Variants in PDSS2 observed in about 807,000 individuals in gnomAD.
PDSS2 encodes all trans-polyprenyl-diphosphate synthase PDSS2.
A neutral mutation model predicts 44.5 loss-of-function variants in PDSS2; 31 were observed. That is an observed-to-expected ratio of 0.70 (90% CI 0.52 to 0.94). The LOEUF is 0.94. PDSS2 is among the 40% of genes least tolerant of loss of function. The pLI, the probability that PDSS2 is intolerant of heterozygous loss-of-function variation, is 0.00. For synonymous variants in PDSS2, 157 were observed against 180.3 expected (o/e 0.87, Z 1.03); for missense variants, 452 against 482.2 (o/e 0.94, Z 0.59).
intron 7 of PDSS2, among the ~76,000 whole-genome samples, chr6:107,180,943 C>T (rs999714111): frequency 6.6e-6 from 1 of 152,172 alleles, no homozygotes; most frequent in Non-Finnish European, 1.5e-5. Flanking sequence ...CTCCCGGATT[C>T]AAGCGATTCT....
intron 1 of PDSS2, among the ~76,000 whole-genome samples, chr6:107,417,731 G>A (rs1405635893): frequency 6.6e-6 from 1 of 151,728 alleles, no homozygotes; most frequent in African/African-American, 2.4e-5. Flanking sequence ...TTGCACTCCA[G>A]CCTGGGCAAA....
At chr6:107,386,441 C>G (rs1779615201) in intron 1 of PDSS2, among the ~76,000 whole-genome samples, 1 of 150,938 alleles carries the variant, frequency 6.6e-6, no homozygotes, top group African/African-American at 2.4e-5. Context: ...CTGAACATGT[C>G]ACAGAACAAT....
At chr6:107,305,564 C>G (rs1374882003) in intron 2 of PDSS2, among the ~76,000 whole-genome samples, 1 of 152,136 alleles carries the variant, frequency 6.6e-6, no homozygotes, top group African/African-American at 2.4e-5. Flanking sequence ...GGATTAACAA[C>G]AGTTATTTCA....
chr6:107,220,490 G>GTA (rs1266562966), intron 4 of PDSS2, among the ~76,000 whole-genome samples: 4 of 151,690 alleles, frequency 2.6e-5, no homozygotes, highest in Non-Finnish European at 5.9e-5. Flanking sequence ...GGGATAGAAT[G>GTA]TATATATATC....
At chr6:107,365,287 G>A (rs927621912) in intron 1 of PDSS2, among the ~76,000 whole-genome samples, 2 of 152,004 alleles carry the variant, frequency 1.3e-5, no homozygotes, top group Non-Finnish European at 2.9e-5. Flanking sequence ...GAATTAAAAT[G>A]GGTATTATTC....
At chr6:107,177,944 T>C (rs1262921586) in intron 7 of PDSS2, among the ~76,000 whole-genome samples, 1 of 152,234 alleles carries the variant, frequency 6.6e-6, no homozygotes, top group Non-Finnish European at 1.5e-5. Context: ...ATTTGAGGAA[T>C]ATATAAACTA....
In PDSS2 at chr6:107,230,446, C is replaced by T. The variant is rs576096122; in HGVS notation, c.702+15102G>A. Among the ~76,000 whole-genome samples, 12 of 152,242 alleles carry T rather than the reference C, an allele frequency of 7.9e-5. No homozygotes were observed. The South Asian group carries it at 2.5e-3, about 32-fold the overall frequency. On this transcript the variant is annotated intron_variant, in intron 4 of 7. Coordinates refer to ENST00000369037, the MANE Select transcript of PDSS2 (RefSeq NM_020381.4). ...ACGCTTGGCCTAGACCACCAGTTCCCCACAAATCTCTTAATCCATCTGACT... is the reference window on the plus strand; with the variant it reads ...ACGCTTGGCCTAGACCACCAGTTCCTCACAAATCTCTTAATCCATCTGACT...
intron 3 of PDSS2, among the ~76,000 whole-genome samples, chr6:107,273,348 T>C (rs185986318): frequency 1.3e-5 from 2 of 151,616 alleles, no homozygotes; most frequent in Non-Finnish European, 2.9e-5. Context: ...ACACTAAAAA[T>C]GTTTAACCCT....
At chr6:107,331,886 A>G (rs1378669719) in intron 2 of PDSS2, among the ~76,000 whole-genome samples, 4 of 152,062 alleles carry the variant, frequency 2.6e-5, no homozygotes, top group Non-Finnish European at 2.9e-5. Flanking sequence ...ATCCAAATAT[A>G]CAAGCAGATG....
intron 4 of PDSS2, among the ~76,000 whole-genome samples, chr6:107,243,168 G>C (rs1370984206): frequency 1.3e-5 from 2 of 152,088 alleles, no homozygotes; most frequent in African/African-American, 2.4e-5. Flanking sequence ...GAAAAACCTG[G>C]GTTCATTATG....
chr6:107,268,778 T>C (rs1456569249), intron 3 of PDSS2, among the ~76,000 whole-genome samples: 1 of 152,168 alleles, frequency 6.6e-6, no homozygotes, highest in Admixed American at 6.6e-5. Context: ...GAAAATTCTC[T>C]TTCTACAGGT....
At chr6:107,368,625 G>A (rs536987470) in intron 1 of PDSS2, among the ~76,000 whole-genome samples, 1 of 151,950 alleles carries the variant, frequency 6.6e-6, no homozygotes, top group Non-Finnish European at 1.5e-5. Context: ...AGGGCAAGGC[G>A]GGAGGATTGT....
chr6:107,263,018 C>G lies in PDSS2; in HGVS notation c.630+11011G>C, dbSNP rs188080943. On this transcript the variant is annotated intron_variant, in intron 3 of 7. Transcript: ENST00000369037. ...ATGCATTAAAAAACCAGTGCCTACC[C>G]TCATCCTCTTATTAAACCAAATTTC... Among the ~76,000 whole-genome samples, 420 of 152,220 alleles carry G rather than the reference C, an allele frequency of 2.8e-3. 2 individuals carry two copies. Among genetic ancestry groups the G allele is most frequent in the African/African-American group, 9.7e-3 (402 of 41,546 alleles).
intron 2 of PDSS2, among the ~76,000 whole-genome samples, chr6:107,310,033 C>A (rs1334266272): frequency 6.6e-6 from 1 of 152,020 alleles, no homozygotes; most frequent in East Asian, 1.9e-4. Flanking sequence ...CACCTGTAAT[C>A]CCAGCACTTC....
At chr6:107,225,145 A>ATATATATATATT (rs1386566160) in intron 4 of PDSS2, among the ~76,000 whole-genome samples, 841 of 49,218 alleles carry the variant, frequency 0.017, 77 homozygotes, top group South Asian at 0.025. Flanking sequence ...TTTTATATAT[A>ATATATATATATT]TATATATATA....
chr6:107,194,280 T>A (rs1018222174), intron 6 of PDSS2, among the ~76,000 whole-genome samples: 6 of 152,240 alleles, frequency 3.9e-5, no homozygotes, highest in Non-Finnish European at 8.8e-5. Flanking sequence ...AAACCAGAAT[T>A]AATCAAGATT....
chr6:107,322,566 C>T (rs1457230501), intron 2 of PDSS2, among the ~76,000 whole-genome samples: 2 of 151,634 alleles, frequency 1.3e-5, no homozygotes, highest in Non-Finnish European at 2.9e-5. Flanking sequence ...AACTTGAGGC[C>T]GGGTGTGGTG....
intron 1 of PDSS2, among the ~76,000 whole-genome samples, chr6:107,336,844 G>A (rs1777912504): frequency 8.0e-6 from 1 of 124,650 alleles, no homozygotes; most frequent in Non-Finnish European, 1.7e-5. Flanking sequence ...GTGTGTGTGT[G>A]TGTGTGTGTG....
Position 107,397,101 on chromosome 6 carries a change from T to C in PDSS2, c.296+61889A>G, listed in dbSNP as rs114417461. ...TTTTCAAAAATCTCAAGGGTGAAAC[T>C]GTCAGTTGTCTGTGTAGGCATCTTC... On this transcript the variant is annotated intron_variant, in intron 1 of 7. Coordinates refer to ENST00000369037, the MANE Select transcript of PDSS2 (RefSeq NM_020381.4). Among the ~76,000 whole-genome samples, 211 of 152,240 alleles carry C rather than the reference T, an allele frequency of 1.4e-3. 3 individuals are homozygous for C. Among genetic ancestry groups the C allele is most frequent in the African/African-American group, 4.8e-3 (199 of 41,544 alleles).
Sources: allele counts gnomAD v4.1 joint callset (sites outside exome capture counted in the v4.1 genomes callset), GRCh38; gene constraint gnomAD v4.1.1; transcripts MANE v1.5; gene names NCBI Gene and HGNC (gene_info 2026-07-23, HGNC 2026-07-21).